HECW1: variants seen among roughly 807,000 people sequenced by gnomAD.
HECW1 encodes E3 ubiquitin-protein ligase HECW1.
A neutral mutation model predicts 182.3 loss-of-function variants in HECW1; 61 were observed. That is an observed-to-expected ratio of 0.33 (90% CI 0.27 to 0.41). HECW1 has a LOEUF of 0.41. Ranked by LOEUF, HECW1 falls within the 10% of genes least tolerant of loss-of-function variation. The pLI, the probability that HECW1 is intolerant of heterozygous loss-of-function variation, is 1.00. For synonymous variants in HECW1, 859 were observed against 832.6 expected, an observed-to-expected ratio of 1.03 and a Z score of -0.55; for missense variants, 1,739 against 2,108.9, an observed-to-expected ratio of 0.82 and a Z score of 3.44.
rs2081964445 is a variant in HECW1, at chr7:43,554,736, A to G, written c.4655A>G (p.Asn1552Ser). Residue 1552 changes from asparagine (N) to serine (S), a missense_variant, in exon 29 of 30, where the codon AAT becomes AGT. Around this residue, in one of 5 missense-constraint regions of HECW1, gnomAD observed 420 missense variants for 595.7 expected, o/e 0.71. Coordinates refer to ENST00000395891, the MANE Select transcript of HECW1 (RefSeq NM_015052.5). ...YEGFAALRGS[N>S]GLRRFCIEKW... The stretch of plus-strand genomic sequence containing the variant: ...GGCTTCGCAGCCCTCCGTGGGAGCA[A>G]TGGGCTTCGGCGCTTCTGCATAGAG... The G allele has an allele frequency of 6.2e-7, 1 of 1,614,008 alleles. No homozygotes were observed. The highest frequency in any genetic ancestry group is 1.3e-5 in the African/African-American group (1 of 74,930).
At chr7:43,356,898 AC>A (rs1363129466) in intron 5 of HECW1, among the ~76,000 whole-genome samples, 4 of 152,328 alleles carry the variant, frequency 2.6e-5, no homozygotes, top group Admixed American at 6.5e-5. Context: ...AGAGCAAAAA[AC>A]AATCTGATTT....
rs111998628 is a variant in HECW1, at chr7:43,165,683, G to T, written c.-32+51292G>T. ...GTTGTGAGCCCACTCTAATCACTTA[G>T]ATTTTTTTTTAGTAATAGTTTCCTT... is the stretch of plus-strand genomic sequence containing the variant. On this transcript the variant is annotated intron_variant, in intron 2 of 29. Transcript: ENST00000395891. Among the ~76,000 whole-genome samples the T allele has an allele frequency of 6.9e-3, 1,044 of 150,554 alleles. 9 individuals carry two copies. The highest frequency in any genetic ancestry group is 0.025 in the African/African-American group (1,004 of 39,956).
intron 6 of HECW1, among the ~76,000 whole-genome samples, chr7:43,392,962 T>C (rs1183696746): frequency 1.3e-5 from 2 of 152,028 alleles, no homozygotes; most frequent in Non-Finnish European, 2.9e-5. Flanking sequence ...AAAAGGCAAT[T>C]GTAGAGAGAA....
chr7:43,459,455 A>G (rs2152891364), intron 13 of HECW1, among the ~76,000 whole-genome samples: 1 of 152,266 alleles, frequency 6.6e-6, no homozygotes, highest in South Asian at 2.1e-4. Flanking sequence ...TTATTTTTTA[A>G]TTATTTGTAT....
At chr7:43,160,286 G>T (rs1444955602) in intron 2 of HECW1, among the ~76,000 whole-genome samples, 1 of 151,866 alleles carries the variant, frequency 6.6e-6, no homozygotes, top group Non-Finnish European at 1.5e-5. Context: ...TTTGCCTTTG[G>T]ATTTTTGTTA....
At chr7:43,142,575 G>T (rs1004998426) in intron 2 of HECW1, among the ~76,000 whole-genome samples, 12 of 152,170 alleles carry the variant, frequency 7.9e-5, no homozygotes, top group African/African-American at 2.9e-4. Context: ...CAGCAGACTG[G>T]CTTCCCATCC....
chr7:43,299,286 G>A (rs773287282), intron 3 of HECW1, among the ~76,000 whole-genome samples: 6 of 152,200 alleles, frequency 3.9e-5, no homozygotes, highest in East Asian at 3.9e-4. Flanking sequence ...GGCCGGAATC[G>A]GTGGGAGAGG....
chr7:43,416,904 C>A (rs1296121000), intron 8 of HECW1, among the ~76,000 whole-genome samples: 1 of 151,996 alleles, frequency 6.6e-6, no homozygotes, highest in Admixed American at 6.6e-5. Flanking sequence ...GGTGTGCGCA[C>A]CCACTGGCCT....
At chr7:43,440,884 T>C (rs141008987) in intron 9 of HECW1, among the ~76,000 whole-genome samples, 1 of 56,582 alleles carries the variant, frequency 1.8e-5, no homozygotes, top group South Asian at 6.4e-4. Context: ...AATTTTTAAG[T>C]CGGGGCTTGT....
chr7:43,179,518 C>T (rs996413774), intron 2 of HECW1, among the ~76,000 whole-genome samples: 2 of 151,910 alleles, frequency 1.3e-5, no homozygotes, highest in East Asian at 3.9e-4. Context: ...AAAAGAAATA[C>T]CATTGGTTAT....
chr7:43,478,845 G>A (rs531662798), intron 16 of HECW1, among the ~76,000 whole-genome samples: 2 of 152,068 alleles, frequency 1.3e-5, no homozygotes, highest in East Asian at 3.9e-4. Context: ...TTAATTACTA[G>A]TATTATCTTA....
chr7:43,298,511 G>A (rs1360212950), intron 3 of HECW1, among the ~76,000 whole-genome samples: 1 of 152,178 alleles, frequency 6.6e-6, no homozygotes, highest in East Asian at 1.9e-4. Flanking sequence ...GATCATAATT[G>A]AGGCACTGAC....
chr7:43,236,245 T>C (rs1245928843), intron 2 of HECW1, among the ~76,000 whole-genome samples: 1 of 152,198 alleles, frequency 6.6e-6, no homozygotes, highest in African/African-American at 2.4e-5. Context: ...TATTATGATA[T>C]ATTAAGTGAT....
At chr7:43,522,934 T>C (rs774011400) in intron 24 of HECW1, 3 of 347,864 alleles carry the variant, frequency 8.6e-6, no homozygotes, top group Non-Finnish European at 1.8e-5. Flanking sequence ...GTGGTGGGGA[T>C]GTTATTGCTG....
chr7:43,302,699 G>A (rs1474183026), intron 3 of HECW1, among the ~76,000 whole-genome samples: 2 of 152,138 alleles, frequency 1.3e-5, no homozygotes, highest in African/African-American at 2.4e-5. Flanking sequence ...GGAGCTGGGC[G>A]CCTTGGGCCC....
chr7:43,184,292 C>T (rs1471078431), intron 2 of HECW1, among the ~76,000 whole-genome samples: 5 of 152,316 alleles, frequency 3.3e-5, no homozygotes, highest in East Asian at 3.9e-4. Context: ...GGATTACAGG[C>T]GTGAGCCACC....
chr7:43,446,859 G>A (rs964153283), intron 11 of HECW1, among the ~76,000 whole-genome samples: 2 of 152,160 alleles, frequency 1.3e-5, no homozygotes, highest in African/African-American at 4.8e-5. Flanking sequence ...GAAGGGAATG[G>A]GAAATGCCTT....
chr7:43,219,436 C>T (rs147248944), intron 2 of HECW1, among the ~76,000 whole-genome samples: 2 of 152,044 alleles, frequency 1.3e-5, no homozygotes, highest in Admixed American at 1.3e-4. Flanking sequence ...AAAACCCCTC[C>T]GATACCGAGC....
At chr7:43,233,338 A>G (rs1467168739) in intron 2 of HECW1, among the ~76,000 whole-genome samples, 1 of 152,216 alleles carries the variant, frequency 6.6e-6, no homozygotes, top group Non-Finnish European at 1.5e-5. Context: ...AGAGTTGACC[A>G]CAGACAGTCG....
Sources: gnomAD v4.1 joint callset for allele counts (sites outside exome capture counted in the v4.1 genomes callset) on GRCh38, gnomAD v4.1.1 for gene constraint, gnomAD v4.1.1 regional missense constraint, MANE v1.5 for transcripts, NCBI Gene and HGNC (gene_info 2026-07-23, HGNC 2026-07-21) for gene names.